DEAF1: variants seen among roughly 807,000 people sequenced by gnomAD.
DEAF1 encodes DEAF1 transcription factor, also known as deformed epidermal autoregulatory factor 1 homolog.
DEAF1 carries 53 observed loss-of-function variants against 58.9 expected under a neutral mutation model. The ratio of observed to expected loss-of-function variants is 0.90; its 90% CI spans 0.72 to 1.13. DEAF1 has a LOEUF of 1.13. DEAF1 is among the 50% of genes most tolerant of loss of function. The pLI is 0.00. For synonymous variants in DEAF1, 385 were observed against 340.4 expected, an observed-to-expected ratio of 1.13 and a Z score of -1.44; for missense variants, 685 against 791.4, an observed-to-expected ratio of 0.87 and a Z score of 1.61.
At chr11:675,970 G>T in intron 9 of DEAF1, among the ~76,000 whole-genome samples, 1 of 46,880 alleles carries the variant, frequency 2.1e-5, no homozygotes, top group Non-Finnish European at 3.8e-5. Flanking sequence ...ACATCCCCCG[G>T]CACCCGACAT....
intron 10 of DEAF1, among the ~76,000 whole-genome samples, chr11:665,581 T>C (rs1289009897): frequency 6.6e-6 from 1 of 152,202 alleles, no homozygotes; most frequent in Admixed American, 6.5e-5. Flanking sequence ...TAAAGGGATT[T>C]CATGCCACAT....
At chr11:681,926 C>T (rs1029890420) in intron 6 of DEAF1, among the ~76,000 whole-genome samples, 4 of 152,222 alleles carry the variant, frequency 2.6e-5, no homozygotes, top group African/African-American at 9.6e-5. Flanking sequence ...TGGTCCAAGG[C>T]TCCTTGCATG....
chr11:688,237 C>T lies in DEAF1; in HGVS notation c.517+94G>A. The T allele has an allele frequency of 6.5e-7, 1 of 1,545,704 alleles. No individual in the cohort carries two copies. Among genetic ancestry groups the T allele is most frequent in the South Asian group, 1.2e-5 (1 of 83,706 alleles). On this transcript the variant is annotated intron_variant, in intron 3 of 11. Transcript: ENST00000382409. The surrounding 1 kb of genome is among the most constrained non-coding windows in gnomAD (Gnocchi z 4.3). ...TTAATAGATGATATTCCAAATTTACCACAAAAAGAAACAAGTAAATAAATC... is the reference window on the plus strand; with the variant it reads ...TTAATAGATGATATTCCAAATTTACTACAAAAAGAAACAAGTAAATAAATC...
chr11:654,876 A>G (rs1355951977), intron 10 of DEAF1, among the ~76,000 whole-genome samples: 1 of 150,532 alleles, frequency 6.6e-6, no homozygotes, highest in African/African-American at 2.5e-5. Context: ...TCTCAAAAAA[A>G]AAGGGAAATC....
intron 10 of DEAF1, 130 bp from the exon 11 acceptor site, chr11:654,181 T>C: frequency 1.4e-6 from 1 of 719,210 alleles, no homozygotes; most frequent in Non-Finnish European, 2.3e-6. Context: ...TTTTTTTTTT[T>C]TTTTTGAGAT....
chr11:686,238 G>A (rs1169678431), intron 5 of DEAF1, among the ~76,000 whole-genome samples: 5 of 146,246 alleles, frequency 3.4e-5, no homozygotes, highest in Admixed American at 7.0e-5. Flanking sequence ...GTTGCTGTGA[G>A]CCAAGATCAA....
chr11:654,974 T>C (rs936773685), intron 10 of DEAF1, among the ~76,000 whole-genome samples: 2 of 150,718 alleles, frequency 1.3e-5, no homozygotes, highest in Admixed American at 1.3e-4. Context: ...ATCGAGACCA[T>C]CCTGGCTAAC....
upstream of DEAF1, among the ~76,000 whole-genome samples, chr11:696,638 C>G (rs1378604902): frequency 6.8e-5 from 2 of 29,222 alleles, no homozygotes; most frequent in Non-Finnish European, 1.6e-4. Context: ...CGGTGGCGCA[C>G]CCCTGTGGGC....
At chr11:668,312 C>T (rs529717896) in intron 10 of DEAF1, among the ~76,000 whole-genome samples, 10 of 152,292 alleles carry the variant, frequency 6.6e-5, no homozygotes, top group Non-Finnish European at 1.5e-4. Context: ...ACCACCTTGA[C>T]CTAATGACAT....
intron 1 of DEAF1, 152 bp downstream of exon 1, chr11:694,607 G>A: frequency 1.5e-6 from 1 of 662,430 alleles, no homozygotes; most frequent in East Asian, 3.7e-5. Context: ...GTGAGGGGCA[G>A]GTGTGCAGGG....
intron 11 of DEAF1, among the ~76,000 whole-genome samples, chr11:645,141 T>G (rs1217375295): frequency 1.6e-5 from 2 of 124,494 alleles, no homozygotes; most frequent in African/African-American, 6.3e-5. Flanking sequence ...CCAGCCCGGG[T>G]GACAGAACAA....
upstream of DEAF1, among the ~76,000 whole-genome samples, chr11:696,360 G>A (rs1463875308): frequency 6.6e-6 from 1 of 152,202 alleles, no homozygotes; most frequent in Non-Finnish European, 1.5e-5. Context: ...GCGCTGAAGT[G>A]CCAAACCTTC....
chr11:697,766 C>T (rs1590033259), upstream of DEAF1: 1 of 152,390 alleles, frequency 6.6e-6, no homozygotes. Flanking sequence ...GCCGGGAACG[C>T]GATGCGGCGT....
chr11:654,123 C>T (rs1015873467), intron 10 of DEAF1, 72 bp from the exon 11 acceptor site: 1 of 1,249,586 alleles, frequency 8.0e-7, no homozygotes, highest in Non-Finnish European at 1.1e-6. Flanking sequence ...GGGACAGAGG[C>T]AGGTGCAGGC....
intron 11 of DEAF1, among the ~76,000 whole-genome samples, chr11:648,290 G>T (rs1324181007): frequency 1.3e-5 from 2 of 150,926 alleles, no homozygotes; most frequent in African/African-American, 4.9e-5. Context: ...CGCCTCCCGG[G>T]TTCATGCCAT....
chr11:673,318 G>GGA (rs1859913435), intron 10 of DEAF1, among the ~76,000 whole-genome samples: 2 of 152,116 alleles, frequency 1.3e-5, no homozygotes, highest in South Asian at 4.1e-4. Flanking sequence ...CCTGAGCTCA[G>GGA]GAGTGTGAGA....
rs555535107 is a variant in DEAF1, at chr11:679,350, C to G, written c.1126+338G>C. Among the ~76,000 whole-genome samples the G allele has an allele frequency of 5.9e-5, 9 of 152,160 alleles. No individual in the cohort carries two copies. The East Asian group carries it at 1.5e-3, about 26-fold the overall frequency. ...AAAAATCAGTTCTAACTCTATTTTC[C>G]TCAGTGTGGCTTCTAGAATATTCTC... On this transcript the variant is annotated intron_variant, in intron 8 of 11. Transcript: ENST00000382409.
chr11:687,137 G>C, intron 4 of DEAF1, 140 bp from the exon 5 acceptor site: 1 of 1,263,608 alleles, frequency 7.9e-7, no homozygotes, highest in African/African-American at 1.5e-5. Flanking sequence ...CCACATACTT[G>C]GCCCTGACAG....
At chr11:659,228 CAA>C (rs34491245) in intron 10 of DEAF1, among the ~76,000 whole-genome samples, 1,093 of 79,714 alleles carry the variant, frequency 0.014, 12 homozygotes, top group African/African-American at 0.04. Context: ...CCTGTCTCTA[CAA>C]AAAAAAAAAA....
Sources: gnomAD v4.1 joint callset for allele counts (sites outside exome capture counted in the v4.1 genomes callset) on GRCh38, gnomAD v4.1.1 for gene constraint, Gnocchi (gnomAD v3.1) non-coding constraint, MANE v1.5 for transcripts, NCBI Gene and HGNC (gene_info 2026-07-23, HGNC 2026-07-21) for gene names.